Variants in SMIM9 observed in about 807,000 individuals in gnomAD.
SMIM9 encodes the protein small integral membrane protein 9, also known as chromosome X open reading frame 68.
A neutral mutation model predicts 7.2 loss-of-function variants in SMIM9; 8 were observed. The ratio of observed to expected loss-of-function variants is 1.10; its 90% CI spans 0.65 to 1.99. The LOEUF (loss-of-function observed/expected upper bound fraction) is 1.99. Among genes scored for constraint, SMIM9 ranks in the 30% most tolerant of loss-of-function variants. The pLI is 0.00. For missense variants in SMIM9, 76 were observed against 69.3 expected, an observed-to-expected ratio of 1.10 and a Z score of -0.34; for synonymous variants, 19 against 26.4, an observed-to-expected ratio of 0.72 and a Z score of 0.86.
intron 4 of SMIM9, among the ~76,000 whole-genome samples, chrX:154,824,335 G>A (rs1451826422): frequency 9.3e-5 from 7 of 75,405 alleles, no homozygotes; most frequent in African/African-American, 3.6e-4. Context: ...CAGCCTGGGC[G>A]ACAGAGCGAG....
intron 1 of SMIM9, among the ~76,000 whole-genome samples, chrX:154,833,155 G>A (rs2148553646): frequency 8.9e-6 from 1 of 111,901 alleles, no homozygotes; most frequent in African/African-American, 3.2e-5. Context: ...AAAACCCAAA[G>A]CCATAAATGA....
At chrX:154,826,496 A>G (rs1301283362) in intron 4 of SMIM9, among the ~76,000 whole-genome samples, 1 of 111,848 alleles carries the variant, frequency 8.9e-6, no homozygotes, top group Non-Finnish European at 1.9e-5. Context: ...GCCTTAAGCA[A>G]TCCTCCTGCC....
At chrX:154,833,374 C>T (rs992807047) in intron 1 of SMIM9, among the ~76,000 whole-genome samples, 15 of 112,420 alleles carry the variant, frequency 1.3e-4, no homozygotes, top group African/African-American at 4.5e-4. Flanking sequence ...CCTGTCATCC[C>T]AGCACTTTGG....
At chrX:154,829,444 G>GAT (rs782278895) in intron 4 of SMIM9, 91 bp downstream of exon 4, 2 of 1,028,586 alleles carry the variant, frequency 1.9e-6, no homozygotes, top group Non-Finnish European at 2.6e-6. Context: ...CTTAATTACA[G>GAT]ATATGCAGGC....
In SMIM9 at chrX:154,823,622, G is replaced by T; in HGVS notation, c.*133C>A. 1.8e-6 allele frequency: 1 copy of T among 544,922 alleles called. No homozygotes were observed. Among genetic ancestry groups the T allele is most frequent in the Non-Finnish European group, 2.7e-6 (1 of 367,765 alleles). 44.9% of individuals were successfully genotyped at this position (544,922 alleles called of 1,213,427 possible). On this transcript the variant is annotated 3_prime_UTR_variant, in exon 5 of 5. Coordinates refer to ENST00000369529, the MANE Select transcript of SMIM9 (RefSeq NM_001162936.4). ...TTTTGAAGGAGAAAATGAAGGCAAA[G>T]GATGATTCAAGTTGGAAGACGATTT...
intron 2 of SMIM9, among the ~76,000 whole-genome samples, chrX:154,831,925 C>T (rs2072447258): frequency 9.0e-6 from 1 of 110,651 alleles, no homozygotes; most frequent in South Asian, 3.8e-4. Context: ...TCCTAATTGT[C>T]TTACCTGCTT....
chrX:154,828,111 C>T lies in SMIM9; in HGVS notation c.272+1424G>A, dbSNP rs782491210. Among the ~76,000 whole-genome samples the T allele has an allele frequency of 1.1e-4, 12 of 111,813 alleles. No individual in the cohort carries two copies. The East Asian group carries it at 1.1e-3, about 10-fold the overall frequency. The stretch of plus-strand genomic sequence containing the variant: ...TAATTATACTCTGAATGCCAAATTC[C>T]GGTCTCCCTGTCTAGTTTCAGAATA... On this transcript the variant is annotated intron_variant, in intron 4 of 4. Coordinates refer to ENST00000369529, the MANE Select transcript of SMIM9 (RefSeq NM_001162936.4).
At chrX:154,827,017 A>G (rs1209811229) in intron 4 of SMIM9, among the ~76,000 whole-genome samples, 2 of 112,404 alleles carry the variant, frequency 1.8e-5, no homozygotes, top group East Asian at 2.8e-4. Context: ...TTGGTGCCCA[A>G]CTGGGTCCAG....
chrX:154,824,546 A>G (rs782509652), intron 4 of SMIM9, among the ~76,000 whole-genome samples: 392 of 111,315 alleles, frequency 3.5e-3, no homozygotes, highest in Middle Eastern at 9.3e-3. Flanking sequence ...TTAGTTTTTA[A>G]TAAGAAATTA....
chrX:154,829,635 T>C lies in SMIM9; in HGVS notation c.172A>G (p.Arg58Gly), dbSNP rs2072436124. The C allele has an allele frequency of 8.6e-7, 1 of 1,167,674 alleles. No individual in the cohort carries two copies. The highest frequency in any genetic ancestry group is 1.8e-5 in the African/African-American group (1 of 56,311). ...TTGATAAGTTGCCATAAGTAATCCC[T>C]GAAGTTGTTCAGCCAGGACCTGTGA... ...GNHRSWLNNF[R>G]DYLWQLIKSA... Residue 58 changes from arginine (R) to glycine (G), a missense_variant, in exon 4 of 5, where the codon AGG becomes GGG. Coordinates refer to ENST00000369529, the MANE Select transcript of SMIM9 (RefSeq NM_001162936.4).
chrX:154,829,754 C>A lies in SMIM9; in HGVS notation c.143-90G>T, dbSNP rs782044602. 1.4e-4 allele frequency: 132 copies of A among 962,568 alleles called. No individual in the cohort carries two copies. In the African/African-American group the frequency reaches 2.2e-3, roughly 16 times the overall value. 79.3% of individuals were successfully genotyped at this position (962,568 alleles called of 1,213,427 possible). A position where few individuals can be genotyped will look rare whatever the true frequency, so the allele number is the denominator to read the frequency against. On this transcript the variant is annotated intron_variant, in intron 3 of 4. Coordinates refer to ENST00000369529, the MANE Select transcript of SMIM9 (RefSeq NM_001162936.4). Reference sequence around the variant, plus strand: ...TCCAAATTCGAGTTCAAATAGTTGTCCCAGATATCATGTTCTTACAGTTGT... The same window carrying A: ...TCCAAATTCGAGTTCAAATAGTTGTACCAGATATCATGTTCTTACAGTTGT...
At chrX:154,825,851 A>G (rs2072419297) in intron 4 of SMIM9, among the ~76,000 whole-genome samples, 1 of 104,430 alleles carries the variant, frequency 9.6e-6, no homozygotes, top group Non-Finnish European at 2.0e-5. Context: ...GTTCTCACTC[A>G]TAGCTGGGAA....
At chrX:154,828,848 C>T (rs2072432421) in intron 4 of SMIM9, among the ~76,000 whole-genome samples, 1 of 111,098 alleles carries the variant, frequency 9.0e-6, no homozygotes, top group Non-Finnish European at 1.9e-5. Flanking sequence ...TTGAGCTCTG[C>T]AGGACCCCCC....
intron 2 of SMIM9, among the ~76,000 whole-genome samples, chrX:154,831,583 G>A (rs1345094514): frequency 2.7e-5 from 3 of 109,818 alleles, no homozygotes; most frequent in Non-Finnish European, 3.8e-5. Context: ...TTCTGCTTCC[G>A]TCCTTGCCTC....
At chrX:154,829,386 T>G in intron 4 of SMIM9, 149 bp downstream of exon 4, 1 of 676,432 alleles carries the variant, frequency 1.5e-6, no homozygotes, top group Non-Finnish European at 2.1e-6. Context: ...GGGGGTTGCA[T>G]GACCTTTCAC....
chrX:154,823,870 T>G (rs1569559131), intron 4 of SMIM9, 88 bp from the exon 5 acceptor site: 1 of 871,947 alleles, frequency 1.1e-6, no homozygotes, highest in East Asian at 3.6e-5. Flanking sequence ...TTGACACCAG[T>G]TTTTCTCTTA....
chrX:154,833,400 G>A (rs2072452667), intron 1 of SMIM9, among the ~76,000 whole-genome samples: 1 of 112,478 alleles, frequency 8.9e-6, no homozygotes, highest in Non-Finnish European at 1.9e-5. Context: ...TGAGACAGGA[G>A]GATAGCTTGA....
intron 3 of SMIM9, 161 bp downstream of exon 3, chrX:154,830,554 G>C: frequency 8.4e-6 from 5 of 596,565 alleles, no homozygotes; most frequent in Non-Finnish European, 1.3e-5. Context: ...GTACGTAGTA[G>C]GTAGGTTAAT....
chrX:154,834,231 G>A (rs2072458663), intron 1 of SMIM9, among the ~76,000 whole-genome samples: 2 of 112,567 alleles, frequency 1.8e-5, no homozygotes, highest in Non-Finnish European at 1.9e-5. Context: ...ACCTGCATCA[G>A]TCTCATGTTA....
Sources: allele counts gnomAD v4.1 joint callset (sites outside exome capture counted in the v4.1 genomes callset), GRCh38; gene constraint gnomAD v4.1.1; transcripts MANE v1.5; gene names NCBI Gene and HGNC (gene_info 2026-07-23, HGNC 2026-07-21).